Variants in ARHGAP29 observed in about 807,000 individuals in gnomAD.
The protein encoded by ARHGAP29 is Rho GTPase activating protein 29, also known as rho GTPase-activating protein 29.
In ARHGAP29, 43 loss-of-function variants were observed where a neutral mutation model predicts 122.6. That is an observed-to-expected ratio of 0.35 (90% CI 0.27 to 0.45). The LOEUF is 0.45. Ranked by LOEUF, ARHGAP29 falls within the 20% of genes least tolerant of loss-of-function variation. The pLI, the probability that ARHGAP29 is intolerant of heterozygous loss-of-function variation, is 1.00. For missense variants in ARHGAP29, 1,303 were observed against 1,477.2 expected (o/e 0.88, Z 1.93); for synonymous variants, 506 against 497.1 (o/e 1.02, Z -0.24).
the ARHGAP29 span, among the ~76,000 whole-genome samples, chr1:94,294,266 G>GCACACA: frequency 1.3e-5 from 2 of 150,026 alleles, no homozygotes; most frequent in African/African-American, 4.9e-5. Flanking sequence ...ACATACATGT[G>GCACACA]CACACACACA....
chr1:94,226,282 T>C (rs2101600734), intron 2 of ARHGAP29, among the ~76,000 whole-genome samples: 1 of 152,160 alleles, frequency 6.6e-6, no homozygotes, highest in East Asian at 1.9e-4. Context: ...CAATTTACTT[T>C]ATTCAGCTAC....
At chr1:94,195,849 AC>A (rs1401723556) in intron 12 of ARHGAP29, 1 of 152,134 alleles carries the variant, frequency 6.6e-6, no homozygotes, top group African/African-American at 2.4e-5. Flanking sequence ...AACTGGAATA[AC>A]ATATCAGTAT....
chr1:94,268,805 A>G (rs1407001429), intron 1 of ARHGAP29, among the ~76,000 whole-genome samples: 1 of 151,770 alleles, frequency 6.6e-6, no homozygotes, highest in Non-Finnish European at 1.5e-5. Context: ...ATATATATAT[A>G]TGTGCATATG....
At chr1:94,284,622 A>C in the ARHGAP29 span, among the ~76,000 whole-genome samples, 1 of 152,200 alleles carries the variant, frequency 6.6e-6, no homozygotes, top group Non-Finnish European at 1.5e-5. Flanking sequence ...GATGGAGGCA[A>C]CTTGGGTCCT....
At position 94,184,887 on chromosome 1, in the gene ARHGAP29, T is replaced by C. The variant is rs1277062598; in HGVS notation, c.2094A>G (p.Arg698=). The C allele has an allele frequency of 5.6e-6, 9 of 1,598,938 alleles. No homozygotes were observed. Among genetic ancestry groups the C allele is most frequent in the Non-Finnish European group, 7.7e-6 (9 of 1,175,460 alleles). Residue 698 remains arginine (R), a synonymous_variant, in exon 18 of 23, where the codon AGA becomes AGG. Transcript: ENST00000260526. ...TATAATGTACCTGTAGACACAAAGC[T>C]CTATTTTCAATCTCTGAGGCACATA... ...LKICASEIEN[R]ALCLQGIYRV... is the part of the protein sequence containing the mutation.
At chr1:94,218,836 T>C (rs1298550095) in intron 3 of ARHGAP29, among the ~76,000 whole-genome samples, 1 of 152,170 alleles carries the variant, frequency 6.6e-6, no homozygotes, top group Non-Finnish European at 1.5e-5. Flanking sequence ...CTATATTTTG[T>C]AGACAAGGTT....
chr1:94,226,034 T>A (rs1652591510), intron 2 of ARHGAP29, among the ~76,000 whole-genome samples: 1 of 151,938 alleles, frequency 6.6e-6, no homozygotes, highest in African/African-American at 2.4e-5. Flanking sequence ...GTGTTTATAT[T>A]GCCAACACTT....
the ARHGAP29 span, among the ~76,000 whole-genome samples, chr1:94,306,371 G>A: frequency 1.3e-5 from 2 of 152,338 alleles, no homozygotes; most frequent in African/African-American, 4.8e-5. Context: ...ATCCATGGAT[G>A]TGCCCTCATG....
intron 12 of ARHGAP29, among the ~76,000 whole-genome samples, chr1:94,198,744 C>T (rs942457278): frequency 1.3e-5 from 2 of 151,996 alleles, no homozygotes; most frequent in Admixed American, 6.6e-5. Context: ...TGCTAAGATG[C>T]TACATATACA....
intron 3 of ARHGAP29, among the ~76,000 whole-genome samples, chr1:94,218,296 T>C (rs1245776497): frequency 1.3e-5 from 2 of 152,178 alleles, no homozygotes; most frequent in African/African-American, 4.8e-5. Flanking sequence ...AACAACAAAA[T>C]AATCTTCCCC....
chr1:94,236,905 A>T (rs1439007234), intron 1 of ARHGAP29, among the ~76,000 whole-genome samples: 1 of 152,166 alleles, frequency 6.6e-6, no homozygotes, highest in African/African-American at 2.4e-5. Flanking sequence ...GCAAGAACAC[A>T]GACCCATAGT....
At chr1:94,226,823 A>G (rs1652640207) in intron 2 of ARHGAP29, among the ~76,000 whole-genome samples, 3 of 151,994 alleles carry the variant, frequency 2.0e-5, no homozygotes, top group Admixed American at 2.0e-4. Flanking sequence ...AGTGATATTC[A>G]TTAGGAATAA....
chr1:94,293,781 A>G, the ARHGAP29 span, among the ~76,000 whole-genome samples: 1 of 152,166 alleles, frequency 6.6e-6, no homozygotes, highest in Non-Finnish European at 1.5e-5. Flanking sequence ...CCCTCCAGGA[A>G]TTTCCGTGTT....
At chr1:94,216,545 G>A (rs938676820) in intron 3 of ARHGAP29, among the ~76,000 whole-genome samples, 9 of 152,194 alleles carry the variant, frequency 5.9e-5, no homozygotes, top group East Asian at 1.9e-4. Context: ...CTTCATCATC[G>A]TTCAATACCC....
the ARHGAP29 span, among the ~76,000 whole-genome samples, chr1:94,299,723 T>C: frequency 6.6e-6 from 1 of 151,704 alleles, no homozygotes; most frequent in Admixed American, 6.6e-5. Flanking sequence ...TGGGAAAGGC[T>C]GGGTCCACCC....
At chr1:94,200,115 A>T (rs1245169528) in intron 12 of ARHGAP29, among the ~76,000 whole-genome samples, 1 of 152,210 alleles carries the variant, frequency 6.6e-6, no homozygotes, top group East Asian at 1.9e-4. Context: ...TGACTCATAA[A>T]AGAAAAAACT....
chr1:94,177,168 C>T (rs1485987413), intron 22 of ARHGAP29: 1 of 152,660 alleles, frequency 6.6e-6, no homozygotes, highest in African/African-American at 2.4e-5. Context: ...ATGTAGGCCA[C>T]AGGTAAAAAG....
the ARHGAP29 span, among the ~76,000 whole-genome samples, chr1:94,293,252 G>A: frequency 5.3e-5 from 8 of 152,196 alleles, no homozygotes; most frequent in South Asian, 8.3e-4. Context: ...CGCTGGCAGC[G>A]AGCAAGGCTC....
chr1:94,301,149 C>A, the ARHGAP29 span, among the ~76,000 whole-genome samples: 1 of 152,054 alleles, frequency 6.6e-6, no homozygotes, highest in African/African-American at 2.4e-5. Context: ...GGTATCTGAA[C>A]CACAGAAAGA....
Sources: gnomAD v4.1 joint callset for allele counts (sites outside exome capture counted in the v4.1 genomes callset) on GRCh38, gnomAD v4.1.1 for gene constraint, MANE v1.5 for transcripts, NCBI Gene and HGNC (gene_info 2026-07-23, HGNC 2026-07-21) for gene names.